Variants in INPP4B observed in about 807,000 individuals in gnomAD.
INPP4B encodes the protein inositol polyphosphate 4-phosphatase type II.
INPP4B carries 55 observed loss-of-function variants against 122.5 expected under a neutral mutation model. The ratio of observed to expected loss-of-function variants is 0.45; its 90% CI spans 0.36 to 0.56. INPP4B has a LOEUF of 0.56. INPP4B is among the 20% of genes least tolerant of loss of function. The pLI is 0.00. For synonymous variants in INPP4B, 403 were observed against 388.7 expected, an observed-to-expected ratio of 1.04 and a Z score of -0.43; for missense variants, 1,000 against 1,097.7, an observed-to-expected ratio of 0.91 and a Z score of 1.26.
intron 7 of INPP4B, among the ~76,000 whole-genome samples, chr4:142,355,862 C>CT (rs34285421): frequency 0.017 from 2,485 of 146,774 alleles, 47 homozygotes; most frequent in African/African-American, 0.058. Context: ...GGAGAGAAGC[C>CT]TTTTTTTTTT....
chr4:142,603,797 C>A (rs549207038), intron 2 of INPP4B, among the ~76,000 whole-genome samples: 3 of 151,986 alleles, frequency 2.0e-5, no homozygotes, highest in African/African-American at 4.8e-5. Context: ...TAAAGAAGAA[C>A]TGATACCAGT....
rs191701670 is a variant in INPP4B, at chr4:142,338,019, T to C, written c.373-23257A>G. On this transcript the variant is annotated intron_variant, in intron 7 of 25. Transcript: ENST00000262992. The stretch of plus-strand genomic sequence containing the variant: ...TACCAATTTTGCACTCTAGAAGTGA[T>C]TTGTCAGCACTTACATATCTGATTT... Among the ~76,000 whole-genome samples, 22 of 152,144 alleles carry C rather than the reference T, an allele frequency of 1.4e-4. No homozygotes were observed. The East Asian group carries it at 3.9e-3, about 27-fold the overall frequency.
chr4:142,571,168 A>G (rs551231842), intron 2 of INPP4B, among the ~76,000 whole-genome samples: 1 of 150,748 alleles, frequency 6.6e-6, no homozygotes, highest in Admixed American at 6.6e-5. Context: ...TGGCACCCCC[A>G]GAAAAGCTTC....
intron 2 of INPP4B, among the ~76,000 whole-genome samples, chr4:142,578,936 A>T (rs1346434098): frequency 6.6e-6 from 1 of 152,002 alleles, no homozygotes; most frequent in Non-Finnish European, 1.5e-5. Flanking sequence ...GTTCCCAGGG[A>T]ATCTGTTACT....
intron 2 of INPP4B, among the ~76,000 whole-genome samples, chr4:142,604,723 C>T (rs754506353): frequency 1.4e-4 from 22 of 151,948 alleles, no homozygotes; most frequent in Admixed American, 3.9e-4. Context: ...TTGAAGCGAA[C>T]GTAAACAAAT....
chr4:142,348,426 A>G (rs1579810418), intron 7 of INPP4B, among the ~76,000 whole-genome samples: 1 of 151,952 alleles, frequency 6.6e-6, no homozygotes, highest in Non-Finnish European at 1.5e-5. Context: ...AAGTCATTAA[A>G]CCTGACTCAA....
At position 142,642,700 on chromosome 4, in the gene INPP4B, G is replaced by A. The variant is rs199828451; in HGVS notation, c.-191+83139C>T. Among the ~76,000 whole-genome samples the A allele has an allele frequency of 8.9e-4, 136 of 152,252 alleles. 1 individual carries two copies. The highest frequency in any genetic ancestry group is 4.0e-3 in the Admixed American group (61 of 15,290). The stretch of plus-strand genomic sequence containing the variant: ...GTAGTATAGTTTGAAGTCAGGTAGC[G>A]TGATGCCTCCAGCTTTGTTCTTTTG... On this transcript the variant is annotated intron_variant, in intron 2 of 25. Coordinates refer to ENST00000262992, the MANE Select transcript of INPP4B (RefSeq NM_001101669.3).
At chr4:142,325,447 C>T (rs1771964652) in intron 7 of INPP4B, among the ~76,000 whole-genome samples, 1 of 152,200 alleles carries the variant, frequency 6.6e-6, no homozygotes, top group African/African-American at 2.4e-5. Flanking sequence ...AAACACAATC[C>T]CAATTAACCA....
intron 6 of INPP4B, among the ~76,000 whole-genome samples, chr4:142,403,265 T>C (rs1406113306): frequency 6.6e-6 from 1 of 152,232 alleles, no homozygotes; most frequent in East Asian, 1.9e-4. Flanking sequence ...TGATAGTAAA[T>C]GAACCTGCAT....
chr4:142,107,925 G>A (rs1277055011), intron 23 of INPP4B, among the ~76,000 whole-genome samples, 168 bp downstream of exon 23: 1 of 152,178 alleles, frequency 6.6e-6, no homozygotes. Context: ...TGATGCAGGT[G>A]TTGGCCATGC....
intron 12 of INPP4B, among the ~76,000 whole-genome samples, chr4:142,222,660 C>T (rs1164043634): frequency 6.6e-6 from 1 of 152,158 alleles, no homozygotes; most frequent in Non-Finnish European, 1.5e-5. Context: ...CTCAGCAGCT[C>T]CTAACTAATC....
At chr4:142,707,847 G>T (rs1762641445) in intron 2 of INPP4B, among the ~76,000 whole-genome samples, 1 of 152,206 alleles carries the variant, frequency 6.6e-6, no homozygotes, top group Non-Finnish European at 1.5e-5. Context: ...ACTGGGTAAG[G>T]GACACAGGTT....
intron 25 of INPP4B, among the ~76,000 whole-genome samples, chr4:142,078,560 A>G (rs965397828): frequency 6.6e-6 from 1 of 151,988 alleles, no homozygotes. Flanking sequence ...AGAAACGAAA[A>G]TCTCTACCTT....
intron 9 of INPP4B, among the ~76,000 whole-genome samples, chr4:142,293,904 C>G (rs1018347417): frequency 1.3e-5 from 2 of 152,188 alleles, no homozygotes; most frequent in African/African-American, 4.8e-5. Flanking sequence ...ATGGATGGAA[C>G]TGGAGGCCAT....
At chr4:142,339,198 T>C (rs1273483410) in intron 7 of INPP4B, among the ~76,000 whole-genome samples, 1 of 152,200 alleles carries the variant, frequency 6.6e-6, no homozygotes, top group African/African-American at 2.4e-5. Flanking sequence ...TCTTTGTGGT[T>C]CTACTTTGCA....
chr4:142,023,648 T>TC lies in INPP4B; in HGVS notation c.*5133dup, dbSNP rs539772286. On this transcript the variant is annotated 3_prime_UTR_variant, in exon 26 of 26. Coordinates refer to ENST00000262992, the MANE Select transcript of INPP4B (RefSeq NM_001101669.3). ...TGTGAGTGCAATAGGTCATCATTGA[T>TC]CGCGTCCTTTCATGACCTGGCGGTA... The TC allele has an allele frequency of 2.3e-3, 357 of 152,320 alleles. 1 individual carries two copies. The highest frequency in any genetic ancestry group is 8.0e-3 in the African/African-American group (332 of 41,574). The allele number at this position is 152,320 out of a possible 1,614,324, so 9.4% of individuals were successfully genotyped here. A position where few individuals can be genotyped will look rare whatever the true frequency, so the allele number is the denominator to read the frequency against.
At chr4:142,810,725 G>T (rs1011559393) in intron 1 of INPP4B, among the ~76,000 whole-genome samples, 8 of 152,126 alleles carry the variant, frequency 5.3e-5, no homozygotes, top group Non-Finnish European at 7.3e-5. Flanking sequence ...TCATACTGTA[G>T]GTATGGTCAC....
intron 16 of INPP4B, among the ~76,000 whole-genome samples, chr4:142,172,511 C>T (rs188951060): frequency 6.8e-4 from 103 of 152,050 alleles, no homozygotes; most frequent in African/African-American, 2.3e-3. Flanking sequence ...GGAAGGAATG[C>T]TGCATTTTGA....
At chr4:142,646,611 T>TA (rs201627506) in intron 2 of INPP4B, among the ~76,000 whole-genome samples, 2 of 152,262 alleles carry the variant, frequency 1.3e-5, no homozygotes, top group African/African-American at 2.4e-5. Context: ...ATCCATTTAT[T>TA]AAAAAAATAA....
Sources: gnomAD v4.1 joint callset for allele counts (sites outside exome capture counted in the v4.1 genomes callset) on GRCh38, gnomAD v4.1.1 for gene constraint, MANE v1.5 for transcripts, NCBI Gene and HGNC (gene_info 2026-07-23, HGNC 2026-07-21) for gene names.